Variants in EYA2 observed in about 807,000 individuals in gnomAD.
The protein encoded by EYA2 is EYA transcriptional coactivator and phosphatase 2, also known as protein phosphatase EYA2.
Under a neutral mutation model 69.2 loss-of-function variants are expected in EYA2, and 31 were observed. That is an observed-to-expected ratio of 0.45 (90% CI 0.34 to 0.60). The LOEUF is 0.60. Ranked by LOEUF, EYA2 falls within the 20% of genes least tolerant of loss-of-function variation. The pLI is 0.02. For synonymous variants in EYA2, 257 were observed against 279.4 expected, an observed-to-expected ratio of 0.92 and a Z score of 0.80; for missense variants, 622 against 701.2, an observed-to-expected ratio of 0.89 and a Z score of 1.28.
chr20:46,941,037 G>A (rs182661152), intron 1 of EYA2, among the ~76,000 whole-genome samples: 8 of 152,320 alleles, frequency 5.3e-5, no homozygotes, highest in African/African-American at 1.4e-4. Flanking sequence ...GGTGCAAGAG[G>A]CCCCATCTTC....
chr20:46,961,788 A>G (rs1304481170), intron 1 of EYA2, among the ~76,000 whole-genome samples: 1 of 152,220 alleles, frequency 6.6e-6, no homozygotes, highest in African/African-American at 2.4e-5. Context: ...TAAATACCAC[A>G]TGTTCTCACT....
At chr20:47,071,992 A>T in intron 5 of EYA2, 193 bp from the exon 6 acceptor site, 1 of 625,760 alleles carries the variant, frequency 1.6e-6, no homozygotes, top group Non-Finnish European at 2.9e-6. Context: ...TCACCAGAGG[A>T]TTAGTGTCAA....
intron 1 of EYA2, among the ~76,000 whole-genome samples, chr20:46,935,047 G>A (rs987140332): frequency 1.3e-5 from 2 of 152,216 alleles, no homozygotes; most frequent in African/African-American, 4.8e-5. Flanking sequence ...GACTGGAGAC[G>A]CTGAGTCTGG....
At chr20:46,926,198 T>C (rs890070362) in intron 1 of EYA2, among the ~76,000 whole-genome samples, 7 of 152,192 alleles carry the variant, frequency 4.6e-5, no homozygotes, top group African/African-American at 1.7e-4. Flanking sequence ...TTAGGATTTT[T>C]CCAGAGAAAC....
chr20:47,121,755 GT>G (rs1357995138), intron 9 of EYA2, among the ~76,000 whole-genome samples: 1 of 152,082 alleles, frequency 6.6e-6, no homozygotes, highest in Non-Finnish European at 1.5e-5. Context: ...GCTAAACATA[GT>G]AATCCCCATT....
At chr20:47,122,406 G>C (rs1032684456) in intron 9 of EYA2, among the ~76,000 whole-genome samples, 1 of 145,418 alleles carries the variant, frequency 6.9e-6, no homozygotes, top group African/African-American at 2.6e-5. Flanking sequence ...CCATTCTCCT[G>C]CCTCAGCCTC....
intron 14 of EYA2, 41 bp from the exon 15 acceptor site, chr20:47,183,250 C>A (rs376854177): frequency 1.9e-6 from 3 of 1,596,648 alleles, no homozygotes; most frequent in South Asian, 1.1e-5. Flanking sequence ...AATCCGGGGT[C>A]CTCACAGAGC....
chr20:47,077,480 G>A (rs1241071293), intron 7 of EYA2, among the ~76,000 whole-genome samples: 1 of 152,224 alleles, frequency 6.6e-6, no homozygotes, highest in Non-Finnish European at 1.5e-5. Flanking sequence ...CTTTGCAGAA[G>A]CTAAGCTAGC....
intron 5 of EYA2, among the ~76,000 whole-genome samples, chr20:47,032,263 C>T (rs541274121): frequency 2.0e-5 from 3 of 152,342 alleles, no homozygotes; most frequent in Admixed American, 2.0e-4. Flanking sequence ...GCTTCTTTCC[C>T]TGGGCCCGGG....
intron 15 of EYA2, 97 bp from the exon 16 acceptor site, chr20:47,187,956 T>G: frequency 7.5e-7 from 1 of 1,326,012 alleles, no homozygotes; most frequent in Non-Finnish European, 1.1e-6. Context: ...GTGCTAGACT[T>G]AACTGGGTTG....
At chr20:46,999,143 A>ATGT (rs1231105480) in intron 2 of EYA2, among the ~76,000 whole-genome samples, 1 of 152,232 alleles carries the variant, frequency 6.6e-6, no homozygotes, top group Admixed American at 6.5e-5. Flanking sequence ...GCCCATAGGA[A>ATGT]TGTTGTTCCC....
intron 9 of EYA2, among the ~76,000 whole-genome samples, chr20:47,129,825 G>T (rs1177363530): frequency 6.6e-6 from 1 of 152,202 alleles, no homozygotes; most frequent in Non-Finnish European, 1.5e-5. Flanking sequence ...GCAGGAGCAG[G>T]TGCATAGTAG....
At chr20:47,041,837 G>T (rs898588506) in intron 5 of EYA2, among the ~76,000 whole-genome samples, 1 of 150,976 alleles carries the variant, frequency 6.6e-6, no homozygotes, top group African/African-American at 2.5e-5. Context: ...ACTATTATTT[G>T]ATTTTTTTTT....
intron 2 of EYA2, among the ~76,000 whole-genome samples, 185 bp from the exon 3 acceptor site, chr20:47,001,243 G>A (rs1202685348): frequency 6.6e-6 from 1 of 152,056 alleles, no homozygotes; most frequent in East Asian, 1.9e-4. Flanking sequence ...CCCAGAAAGG[G>A]CTCCGAACTC....
At chr20:46,916,300 T>C (rs1984899534) in intron 1 of EYA2, among the ~76,000 whole-genome samples, 1 of 152,182 alleles carries the variant, frequency 6.6e-6, no homozygotes. Context: ...GTTGAAATGG[T>C]CTTTAACTGC....
chr20:47,064,989 A>G (rs1036196530), intron 5 of EYA2, among the ~76,000 whole-genome samples: 6 of 152,186 alleles, frequency 3.9e-5, no homozygotes, highest in Non-Finnish European at 7.3e-5. Flanking sequence ...CCTCACAATC[A>G]TGGTGGAAGG....
intron 3 of EYA2, among the ~76,000 whole-genome samples, chr20:47,003,321 A>G (rs937505335): frequency 1.3e-5 from 2 of 152,246 alleles, no homozygotes; most frequent in African/African-American, 2.4e-5. Context: ...TAAATGAGCC[A>G]ATTCACATGA....
At chr20:47,139,176 C>G (rs903631582) in intron 9 of EYA2, among the ~76,000 whole-genome samples, 1 of 152,158 alleles carries the variant, frequency 6.6e-6, no homozygotes, top group Non-Finnish European at 1.5e-5. Flanking sequence ...TGAACATCTT[C>G]GATATGTCCC....
chr20:47,079,272 A>T (rs1451732430), intron 7 of EYA2, among the ~76,000 whole-genome samples: 1 of 152,256 alleles, frequency 6.6e-6, no homozygotes, highest in Non-Finnish European at 1.5e-5. Context: ...GTGTCTTAAA[A>T]CAACACAGTG....
Sources: allele counts gnomAD v4.1 joint callset (sites outside exome capture counted in the v4.1 genomes callset), GRCh38; gene constraint gnomAD v4.1.1; transcripts MANE v1.5; gene names NCBI Gene and HGNC (gene_info 2026-07-23, HGNC 2026-07-21).